The following PLCG2 variants were observed in gnomAD, a reference collection of about 807,000 sequenced individuals.
The protein encoded by PLCG2 is phospholipase C gamma 2, also known as 1-phosphatidylinositol 4,5-bisphosphate phosphodiesterase gamma-2.
PLCG2 carries 69 observed loss-of-function variants against 175.6 expected under a neutral mutation model. The observed-to-expected ratio is 0.39, with a 90% confidence interval of 0.32 to 0.48. The LOEUF is 0.48. Ranked by LOEUF, PLCG2 falls within the 20% of genes least tolerant of loss-of-function variation. The pLI is 0.91. For synonymous variants in PLCG2, 827 were observed against 624.0 expected, an observed-to-expected ratio of 1.33 and a Z score of -4.85; for missense variants, 1,798 against 1,650.9, an observed-to-expected ratio of 1.09 and a Z score of -1.54.
At chr16:81,850,377 G>C (rs780549675) in intron 2 of PLCG2, among the ~76,000 whole-genome samples, 2 of 152,196 alleles carry the variant, frequency 1.3e-5, no homozygotes, top group African/African-American at 2.4e-5. Context: ...AAAAGTTTCA[G>C]TGCACGAAAA....
intron 11 of PLCG2, among the ~76,000 whole-genome samples, chr16:81,893,182 T>C (rs868227238): frequency 6.6e-6 from 1 of 152,012 alleles, no homozygotes; most frequent in Non-Finnish European, 1.5e-5. Flanking sequence ...TTTAAAAAAG[T>C]TGGGGTGAAT....
chr16:81,841,813 C>T (rs899169678), intron 2 of PLCG2, among the ~76,000 whole-genome samples: 14 of 152,264 alleles, frequency 9.2e-5, no homozygotes, highest in South Asian at 8.3e-4. Flanking sequence ...CCATGTCAGA[C>T]GCTGCTACAT....
At chr16:81,819,270 G>A (rs1391585806) in intron 2 of PLCG2, among the ~76,000 whole-genome samples, 1 of 152,214 alleles carries the variant, frequency 6.6e-6, no homozygotes, top group Non-Finnish European at 1.5e-5. Flanking sequence ...GCTGGGCAGA[G>A]TCAGGACATC....
intron 2 of PLCG2, among the ~76,000 whole-genome samples, chr16:81,850,072 C>G (rs1906328898): frequency 6.6e-6 from 1 of 152,070 alleles, no homozygotes; most frequent in South Asian, 2.1e-4. Context: ...CAAAAGTAAA[C>G]AAGGAGACTC....
intron 2 of PLCG2, among the ~76,000 whole-genome samples, chr16:81,815,429 T>G (rs965655801): frequency 1.3e-5 from 2 of 152,178 alleles, no homozygotes; most frequent in African/African-American, 4.8e-5. Context: ...ACCCTGTCTT[T>G]CCAGCGGGAA....
chr16:81,821,641 C>G (rs1043279439), intron 2 of PLCG2, among the ~76,000 whole-genome samples: 1 of 152,064 alleles, frequency 6.6e-6, no homozygotes, highest in South Asian at 2.1e-4. Context: ...CTGACCAACC[C>G]ATTTAAGCCT....
intron 2 of PLCG2, among the ~76,000 whole-genome samples, chr16:81,797,314 C>G (rs1254519743): frequency 6.6e-6 from 1 of 152,112 alleles, no homozygotes; most frequent in East Asian, 1.9e-4. Flanking sequence ...TACCTGTCCC[C>G]TAGTCTGTCT....
At chr16:81,940,145 A>AT (rs1910880150) in intron 30 of PLCG2, 86 bp downstream of exon 30, 1 of 1,231,818 alleles carries the variant, frequency 8.1e-7, no homozygotes, top group South Asian at 1.3e-5. Context: ...ATGAAAAATG[A>AT]TTTTTCCTGG....
rs374465838 is a variant in PLCG2, at chr16:81,805,596, G to T, written c.193+19414G>T. 6.7e-5 allele frequency among the ~76,000 whole-genome samples: 10 copies of T among 150,228 alleles called. No homozygotes were observed. In the South Asian group the frequency reaches 2.1e-3, roughly 32 times the overall value. ...AAAACAACCCAATTAAAAAGTGGGCGAAAGATCTGAACAGATGCCTCACAC... is the reference window on the plus strand; with the variant it reads ...AAAACAACCCAATTAAAAAGTGGGCTAAAGATCTGAACAGATGCCTCACAC... On this transcript the variant is annotated intron_variant, in intron 2 of 32. Transcript: ENST00000564138.
intron 31 of PLCG2, among the ~76,000 whole-genome samples, chr16:81,948,092 T>C (rs1911221179): frequency 6.6e-6 from 1 of 152,212 alleles, no homozygotes; most frequent in Non-Finnish European, 1.5e-5. Context: ...ACTTTATAAA[T>C]AATATAGGTC....
chr16:81,746,281 C>A lies in PLCG2; in HGVS notation c.-145+6896C>A, dbSNP rs187195964. 5.3e-5 allele frequency among the ~76,000 whole-genome samples: 8 copies of A among 152,326 alleles called. No individual in the cohort carries two copies. The East Asian group carries it at 1.5e-3, about 29-fold the overall frequency. ...ACTCGTGACACGTGGGGGTCCGCCG[C>A]CGCCACTGGCAGGGTGCCTTGAGTG... On this transcript the variant is annotated intron_variant, in intron 1 of 5. Coordinates refer to the PLCG2 transcript ENST00000565054.
chr16:81,789,580 T>G (rs1187733524), intron 2 of PLCG2, among the ~76,000 whole-genome samples: 2 of 152,228 alleles, frequency 1.3e-5, no homozygotes, highest in Admixed American at 1.3e-4. Context: ...GGAACTACCA[T>G]GCCCGGCCTC....
intron 2 of PLCG2, among the ~76,000 whole-genome samples, chr16:81,835,832 A>T (rs1248109488): frequency 6.6e-6 from 1 of 152,086 alleles, no homozygotes; most frequent in African/African-American, 2.4e-5. Context: ...GGCCTCTGGT[A>T]GCTGCTGGTG....
chr16:81,759,983 G>C (rs574782744), intron 2 of PLCG2, among the ~76,000 whole-genome samples: 1 of 152,156 alleles, frequency 6.6e-6, no homozygotes, highest in Admixed American at 6.5e-5. Context: ...AAAATTAGCC[G>C]GGAGTGGTGG....
chr16:81,870,865 A>G lies in PLCG2; in HGVS notation c.578A>G (p.His193Arg). ...LKDKFVEIGAHKDELSFEQFH... is the reference protein window; with the variant it reads ...LKDKFVEIGARKDELSFEQFH... Reference sequence around the variant, plus strand: ...TCATATTTACAGGAAATAGGAGCACACAAAGATGAGCTCAGCTTTGAACAG... The same window carrying G: ...TCATATTTACAGGAAATAGGAGCACGCAAAGATGAGCTCAGCTTTGAACAG... The change falls in exon 7 of 33, where the codon CAC (histidine) becomes CGC (arginine). Residue 193 changes from histidine (H) to arginine (R), a missense_variant. Transcript: ENST00000564138. 6.3e-7 allele frequency: 1 copy of G among 1,596,820 alleles called. No individual in the cohort carries two copies.
chr16:81,766,590 G>C (rs1268415376), intron 2 of PLCG2: 1 of 152,508 alleles, frequency 6.6e-6, no homozygotes, highest in Non-Finnish European at 1.5e-5. Flanking sequence ...ATATTCATCT[G>C]CTCTGCTAAA....
In PLCG2 at chr16:81,939,793, T is replaced by G. The variant is rs16956026; in HGVS notation, c.3314-99T>G. The G allele has an allele frequency of 8.2e-3, 6,175 of 752,928 alleles. 224 individuals are homozygous for G. In the African/African-American group the frequency reaches 0.087, roughly 11 times the overall value. 46.6% of individuals were successfully genotyped at this position (752,928 alleles called of 1,614,324 possible). ...TGGCATAGATGCATATTTATTTACATGGTTGCTAAGGGGATTCACAGCTGA... is the reference window on the plus strand; with the variant it reads ...TGGCATAGATGCATATTTATTTACAGGGTTGCTAAGGGGATTCACAGCTGA... On this transcript the variant is annotated intron_variant, in intron 29 of 32. Coordinates refer to ENST00000564138, the MANE Select transcript of PLCG2 (RefSeq NM_002661.5).
chr16:81,946,345 A>G, intron 31 of PLCG2, 82 bp downstream of exon 31: 1 of 968,720 alleles, frequency 1.0e-6, no homozygotes, highest in Non-Finnish European at 1.7e-6. Context: ...TACAATTGGC[A>G]GATGGACTTA....
At chr16:81,783,345 G>A (rs1910829044) in intron 1 of PLCG2, among the ~76,000 whole-genome samples, 1 of 152,178 alleles carries the variant, frequency 6.6e-6, no homozygotes, top group Non-Finnish European at 1.5e-5. Context: ...TAGGGTACAT[G>A]TGCACAACGT....
Sources: gnomAD v4.1 joint callset for allele counts (sites outside exome capture counted in the v4.1 genomes callset) on GRCh38, gnomAD v4.1.1 for gene constraint, MANE v1.5 for transcripts, NCBI Gene and HGNC (gene_info 2026-07-23, HGNC 2026-07-21) for gene names.